The following FLACC1 variants were observed in gnomAD, a reference collection of about 807,000 sequenced individuals.
The protein encoded by FLACC1 is flagellum associated containing coiled-coil domains 1.
In FLACC1, 66 loss-of-function variants were observed where a neutral mutation model predicts 62.8. That is an observed-to-expected ratio of 1.05 (90% CI 0.86 to 1.29). FLACC1 has a LOEUF of 1.29. Ranked by LOEUF, FLACC1 falls within the 50% of genes most tolerant of loss-of-function variation. The pLI is 0.00. For synonymous variants in FLACC1, 156 were observed against 161.0 expected, an observed-to-expected ratio of 0.97 and a Z score of 0.24; for missense variants, 452 against 489.1, an observed-to-expected ratio of 0.92 and a Z score of 0.71.
intron 9 of FLACC1, among the ~76,000 whole-genome samples, chr2:201,309,905 CAAAAAAAAA>C (rs1161849891): frequency 4.5e-5 from 2 of 44,670 alleles, no homozygotes; most frequent in Non-Finnish European, 1.1e-4. Flanking sequence ...GACTCTGTCT[CAAAAAAAAA>C]AAAAAAAAAA....
chr2:201,326,087 T>C lies in FLACC1; in HGVS notation c.675+4383A>G, dbSNP rs1051794161. On this transcript the variant is annotated intron_variant, in intron 9 of 14. Transcript: ENST00000392257. The surrounding 1 kb of genome is among the most constrained non-coding windows in gnomAD (Gnocchi z 4.1). The stretch of plus-strand genomic sequence containing the variant: ...AAAAACACATGATCATCTCAATAGA[T>C]TCAGAAAAAGCATTTAATAAAATCC... Among the ~76,000 whole-genome samples the C allele has an allele frequency of 6.6e-6, 1 of 152,120 alleles. No homozygotes were observed. The highest frequency in any genetic ancestry group is 1.5e-5 in the Non-Finnish European group (1 of 68,022).
chr2:201,321,388 C>G (rs553604332), intron 9 of FLACC1, among the ~76,000 whole-genome samples: 1 of 152,150 alleles, frequency 6.6e-6, no homozygotes, highest in Non-Finnish European at 1.5e-5. Context: ...ACTTAAGAAC[C>G]AGATCTTTCT....
chr2:201,322,167 G>A (rs915666273), intron 9 of FLACC1, among the ~76,000 whole-genome samples: 8 of 151,796 alleles, frequency 5.3e-5, no homozygotes, highest in African/African-American at 1.9e-4. Flanking sequence ...TACTTGGGAG[G>A]CTGAGGCACA....
the FLACC1 span, among the ~76,000 whole-genome samples, chr2:201,363,300 C>T: frequency 6.6e-6 from 1 of 151,504 alleles, no homozygotes; most frequent in South Asian, 2.1e-4. Context: ...GCAAGGGTGC[C>T]CTCTCCACTC....
At chr2:201,350,187 C>T (rs1192151970) in intron 3 of FLACC1, among the ~76,000 whole-genome samples, 1 of 152,146 alleles carries the variant, frequency 6.6e-6, no homozygotes, top group Non-Finnish European at 1.5e-5. Flanking sequence ...GAGTTCCAGA[C>T]CAGCCTGGCC....
At chr2:201,334,770 T>G (rs1275413573) in intron 7 of FLACC1, among the ~76,000 whole-genome samples, 2 of 133,056 alleles carry the variant, frequency 1.5e-5, no homozygotes, top group Admixed American at 8.0e-5. Context: ...GCAACAAGAG[T>G]GAAACTCTGC....
chr2:201,331,728 C>T (rs967201890), intron 7 of FLACC1, among the ~76,000 whole-genome samples: 2 of 152,080 alleles, frequency 1.3e-5, no homozygotes, highest in Non-Finnish European at 2.9e-5. Context: ...ATAGGCAGAG[C>T]GAAGCAGATT....
At chr2:201,299,933 G>C (rs1363306752) in intron 11 of FLACC1, among the ~76,000 whole-genome samples, 1 of 152,156 alleles carries the variant, frequency 6.6e-6, no homozygotes, top group East Asian at 1.9e-4. Context: ...AAGAAAAGAG[G>C]TTTAGGGGGA....
At chr2:201,348,751 C>G (rs540543036) in intron 3 of FLACC1, among the ~76,000 whole-genome samples, 17 of 152,068 alleles carry the variant, frequency 1.1e-4, no homozygotes, top group Admixed American at 3.9e-4. Context: ...GAAATGTATC[C>G]CATTAAGATA....
rs535745076 is a variant in FLACC1, at chr2:201,305,694, T to A, written c.879+1825A>T. ...GACTTGGAACCAACCAAAATGTCCA[T>A]CAATGATAGACTGGATTAAGAAAAT... is the stretch of plus-strand genomic sequence containing the variant. On this transcript the variant is annotated intron_variant, in intron 11 of 14. Coordinates refer to ENST00000392257, the MANE Select transcript of FLACC1 (RefSeq NM_001127391.3). 5.3e-3 allele frequency among the ~76,000 whole-genome samples: 814 copies of A among 152,234 alleles called. 9 individuals carry two copies. Among genetic ancestry groups the A allele is most frequent in the African/African-American group, 0.018 (751 of 41,524 alleles).
chr2:201,328,540 C>A (rs1950537437), intron 9 of FLACC1, among the ~76,000 whole-genome samples: 1 of 152,208 alleles, frequency 6.6e-6, no homozygotes, highest in Admixed American at 6.5e-5. Context: ...ATTCTCCCGC[C>A]TCAGTTTCCT....
chr2:201,315,928 T>TA (rs1393054576), intron 9 of FLACC1, among the ~76,000 whole-genome samples: 1 of 152,118 alleles, frequency 6.6e-6, no homozygotes, highest in Non-Finnish European at 1.5e-5. Flanking sequence ...ACATGGAAAT[T>TA]AAATAACCTG....
At chr2:201,312,984 GACCTT>G (rs1449474871) in intron 9 of FLACC1, among the ~76,000 whole-genome samples, 1 of 152,222 alleles carries the variant, frequency 6.6e-6, no homozygotes, top group East Asian at 1.9e-4. Context: ...AGAAGATTCT[GACCTT>G]ACCTGGAGCT....
chr2:201,354,486 C>G (rs1032313124), intron 1 of FLACC1, among the ~76,000 whole-genome samples: 1 of 152,136 alleles, frequency 6.6e-6, no homozygotes, highest in African/African-American at 2.4e-5. Context: ...ACTGGCTAAA[C>G]AGCAAAGGCC....
rs1222547624 is a variant in FLACC1, at chr2:201,302,255, A to AAT, written c.880-2956_880-2955insAT. Among the ~76,000 whole-genome samples, 5 of 152,280 alleles carry AAT rather than the reference A, an allele frequency of 3.3e-5. No individual in the cohort carries two copies. In the East Asian group the frequency reaches 5.8e-4, roughly 18 times the overall value. On this transcript the variant is annotated intron_variant, in intron 11 of 14. Transcript: ENST00000392257. ...AGTAAGATCTAACAAAAAAATGGAAAACAAAAAAAGGCAGGGGTTGCAATC... is the reference window on the plus strand; with the variant it reads ...AGTAAGATCTAACAAAAAAATGGAAAATACAAAAAAAGGCAGGGGTTGCAATC...
At chr2:201,311,838 T>C (rs1239082277) in intron 9 of FLACC1, among the ~76,000 whole-genome samples, 1 of 152,102 alleles carries the variant, frequency 6.6e-6, no homozygotes, top group African/African-American at 2.4e-5. Context: ...CATATGATCA[T>C]CTCAATAGAC....
rs1286751766 is a variant in FLACC1, at chr2:201,346,182, C to G, written c.368+360G>C. 1.3e-5 allele frequency among the ~76,000 whole-genome samples: 2 copies of G among 152,030 alleles called. No homozygotes were observed. The highest frequency in any genetic ancestry group is 1.3e-4 in the Admixed American group (2 of 15,274). On this transcript the variant is annotated intron_variant, in intron 5 of 14. Transcript: ENST00000392257. This position sits in a 1 kb window ranked among gnomAD's most constrained non-coding sequence, Gnocchi z 4.0. ...TCTGTCTCAAAAAAAAAAGTGCACT[C>G]CAGCCACCCAGAAACCCTCACTTTA...
At position 201,305,684 on chromosome 2, in the gene FLACC1, A is replaced by C. The variant is rs200885839; in HGVS notation, c.879+1835T>G. ...CAATAGCAAAGACTTGGAACCAACC[A>C]AAATGTCCATCAATGATAGACTGGA... On this transcript the variant is annotated intron_variant, in intron 11 of 14. Transcript: ENST00000392257. Among the ~76,000 whole-genome samples, 835 of 152,242 alleles carry C rather than the reference A, an allele frequency of 5.5e-3. 9 individuals carry two copies. The highest frequency in any genetic ancestry group is 0.018 in the African/African-American group (765 of 41,540).
intron 7 of FLACC1, among the ~76,000 whole-genome samples, chr2:201,337,763 T>C (rs1040858505): frequency 6.6e-6 from 1 of 152,182 alleles, no homozygotes; most frequent in African/African-American, 2.4e-5. Flanking sequence ...ACACAAGCCA[T>C]CCTCTCGCCT....
Sources: gnomAD v4.1 joint callset for allele counts (sites outside exome capture counted in the v4.1 genomes callset) on GRCh38, gnomAD v4.1.1 for gene constraint, Gnocchi (gnomAD v3.1) non-coding constraint, MANE v1.5 for transcripts, NCBI Gene and HGNC (gene_info 2026-07-23, HGNC 2026-07-21) for gene names.